The following SRPK2 variants were observed in gnomAD, a reference collection of about 807,000 sequenced individuals.
SRPK2 encodes the protein SFRS protein kinase 2.
SRPK2 carries 21 observed loss-of-function variants against 90.8 expected under a neutral mutation model. The observed-to-expected ratio is 0.23, with a 90% CI of 0.16 to 0.33. The LOEUF (loss-of-function observed/expected upper bound fraction) is 0.33. Ranked by LOEUF, SRPK2 falls within the 10% of genes least tolerant of loss-of-function variation. The pLI, the probability that SRPK2 is intolerant of heterozygous loss-of-function variation, is 1.00. For missense variants in SRPK2, 620 were observed against 869.0 expected (o/e 0.71, Z 3.60); for synonymous variants, 288 against 311.1 (o/e 0.93, Z 0.78).
At chr7:105,182,535 T>A (rs1352789134) in intron 3 of SRPK2, among the ~76,000 whole-genome samples, 2 of 138,228 alleles carry the variant, frequency 1.4e-5, no homozygotes, top group Non-Finnish European at 1.5e-5. Flanking sequence ...CACTGCAACC[T>A]CCACCTCCTG....
At chr7:105,300,696 G>C (rs1324776306) in intron 2 of SRPK2, among the ~76,000 whole-genome samples, 1 of 152,084 alleles carries the variant, frequency 6.6e-6, no homozygotes, top group Non-Finnish European at 1.5e-5. Context: ...ACATCAAAAA[G>C]TGGGCAACGG....
intron 2 of SRPK2, among the ~76,000 whole-genome samples, chr7:105,370,294 C>G (rs1819548641): frequency 1.3e-5 from 2 of 152,164 alleles, no homozygotes; most frequent in Admixed American, 6.6e-5. Context: ...TTCTCCCACC[C>G]TATCTACTAA....
intron 2 of SRPK2, among the ~76,000 whole-genome samples, chr7:105,340,590 T>G (rs776190089): frequency 1.3e-5 from 2 of 151,910 alleles, no homozygotes. Flanking sequence ...TTTTTTGGTT[T>G]TTGTTTTTTG....
rs180742686 is a variant in SRPK2, at chr7:105,152,526, C to A, written c.622-5868G>T. Among the ~76,000 whole-genome samples the A allele has an allele frequency of 1.9e-4, 29 of 152,074 alleles. No homozygotes were observed. The East Asian group carries it at 5.4e-3, about 28-fold the overall frequency. On this transcript the variant is annotated intron_variant, in intron 7 of 15. Coordinates refer to ENST00000393651, the MANE Select transcript of SRPK2 (RefSeq NM_182692.3). ...CAGTGAAGTTTTAAGTAATAATGCA[C>A]CCCAGAATCAACCAACATTGACGAG...
chr7:105,355,927 T>G (rs187949661), intron 2 of SRPK2, among the ~76,000 whole-genome samples: 2 of 152,068 alleles, frequency 1.3e-5, no homozygotes, highest in Non-Finnish European at 2.9e-5. Flanking sequence ...CATCTGCCAG[T>G]AGTCCAGCTA....
chr7:105,350,334 G>C (rs1156324588), intron 2 of SRPK2, among the ~76,000 whole-genome samples: 1 of 151,044 alleles, frequency 6.6e-6, no homozygotes, highest in East Asian at 2.0e-4. Context: ...GTTTCACCAT[G>C]TTGGCCAGGA....
chr7:105,380,625 G>C (rs1472907643), intron 2 of SRPK2, among the ~76,000 whole-genome samples: 4 of 149,994 alleles, frequency 2.7e-5, no homozygotes, highest in Non-Finnish European at 4.4e-5. Flanking sequence ...CCGGGTTCAA[G>C]CAATTCTCCC....
chr7:105,231,398 T>C (rs576599241), intron 2 of SRPK2, among the ~76,000 whole-genome samples: 3 of 152,330 alleles, frequency 2.0e-5, no homozygotes, highest in African/African-American at 7.2e-5. Flanking sequence ...GTCTTCATGG[T>C]AGAATGACTT....
chr7:105,369,161 A>ATTATTATTC (rs1267799537), intron 2 of SRPK2, among the ~76,000 whole-genome samples: 2 of 119,352 alleles, frequency 1.7e-5, no homozygotes, highest in Admixed American at 8.8e-5. Context: ...TATTATTATT[A>ATTATTATTC]TTCGAGATAG....
intron 2 of SRPK2, among the ~76,000 whole-genome samples, chr7:105,252,943 A>G (rs567869905): frequency 2.1e-4 from 32 of 151,946 alleles, no homozygotes; most frequent in African/African-American, 7.0e-4. Flanking sequence ...AGGTTTCATC[A>G]TGTTGGCCAG....
intron 11 of SRPK2, among the ~76,000 whole-genome samples, chr7:105,135,711 C>G (rs759256324): frequency 6.6e-6 from 1 of 151,928 alleles, no homozygotes; most frequent in African/African-American, 2.4e-5. Context: ...AATTCAATCA[C>G]GCTAGAAGAA....
upstream of SRPK2, among the ~76,000 whole-genome samples, chr7:105,393,018 A>C (rs1404663059): frequency 8.0e-6 from 1 of 124,886 alleles, no homozygotes; most frequent in East Asian, 2.3e-4. Context: ...AGGGGAAGGG[A>C]AGTCTCGCTC....
At chr7:105,396,822 G>GAGAGAA (rs1392564071) in intron 1 of SRPK2, among the ~76,000 whole-genome samples, 2 of 25,172 alleles carry the variant, frequency 7.9e-5, no homozygotes, top group Admixed American at 5.3e-4. Flanking sequence ...AAGAGAGAAA[G>GAGAGAA]AGAGAGAGAG....
chr7:105,208,370 C>T (rs189296687), intron 2 of SRPK2, among the ~76,000 whole-genome samples: 2 of 152,196 alleles, frequency 1.3e-5, no homozygotes, highest in African/African-American at 2.4e-5. Flanking sequence ...CTATTTTTAA[C>T]GAAAAGCAGA....
chr7:105,215,824 G>A (rs1797392845), intron 2 of SRPK2, among the ~76,000 whole-genome samples: 1 of 152,148 alleles, frequency 6.6e-6, no homozygotes. Context: ...ACAGCGTAAG[G>A]CTGGAGGGGT....
chr7:105,165,188 G>A (rs970451616), intron 6 of SRPK2, among the ~76,000 whole-genome samples: 1 of 152,164 alleles, frequency 6.6e-6, no homozygotes, highest in Non-Finnish European at 1.5e-5. Flanking sequence ...GTAGAGGAAG[G>A]ATAAGGATAA....
intron 2 of SRPK2, among the ~76,000 whole-genome samples, chr7:105,380,737 T>A (rs1820846461): frequency 2.0e-5 from 3 of 151,794 alleles, no homozygotes; most frequent in Non-Finnish European, 4.4e-5. Flanking sequence ...TTGGTCAGGA[T>A]GGTCTTGATC....
At chr7:105,132,485 G>A (rs1418663416) in intron 13 of SRPK2, among the ~76,000 whole-genome samples, 3 of 152,214 alleles carry the variant, frequency 2.0e-5, no homozygotes, top group Admixed American at 6.5e-5. Context: ...GGGACCACAA[G>A]TGAAGTCACT....
At chr7:105,383,213 C>T (rs1331698542) in intron 2 of SRPK2, among the ~76,000 whole-genome samples, 1 of 150,534 alleles carries the variant, frequency 6.6e-6, no homozygotes, top group Non-Finnish European at 1.5e-5. Flanking sequence ...TATAGGTGCC[C>T]GCCACCATGC....
Sources: allele counts gnomAD v4.1 joint callset (sites outside exome capture counted in the v4.1 genomes callset), GRCh38; gene constraint gnomAD v4.1.1; transcripts MANE v1.5; gene names NCBI Gene and HGNC (gene_info 2026-07-23, HGNC 2026-07-21).